The following CDK15 variants were observed in gnomAD, a reference collection of about 807,000 sequenced individuals.
CDK15 encodes the protein cyclin dependent kinase 15.
A neutral mutation model predicts 60.3 loss-of-function variants in CDK15; 62 were observed. The observed-to-expected ratio is 1.03, with a 90% CI of 0.84 to 1.27. CDK15 has a LOEUF of 1.27. Among genes scored for constraint, CDK15 ranks in the 50% most tolerant of loss-of-function variants. The probability of loss-of-function intolerance (pLI) is 0.00; values close to 1 mark genes in which losing one functional copy is unlikely to be tolerated. For missense variants in CDK15, 541 were observed against 527.8 expected (o/e 1.03, Z -0.25); for synonymous variants, 194 against 195.7 (o/e 0.99, Z 0.07).
chr2:201,849,717 A>G (rs907447228), intron 9 of CDK15, among the ~76,000 whole-genome samples: 4 of 152,246 alleles, frequency 2.6e-5, no homozygotes, highest in African/African-American at 9.6e-5. Flanking sequence ...GTAATACTGA[A>G]ATAAGATGTG....
chr2:201,880,561 T>C (rs1176490001), intron 12 of CDK15, among the ~76,000 whole-genome samples: 1 of 152,172 alleles, frequency 6.6e-6, no homozygotes, highest in Non-Finnish European at 1.5e-5. Context: ...GAGAGTAAGA[T>C]GATAGGTGAA....
chr2:201,865,437 G>A (rs1041718379), intron 10 of CDK15, among the ~76,000 whole-genome samples: 1 of 152,120 alleles, frequency 6.6e-6, no homozygotes, highest in Non-Finnish European at 1.5e-5. Flanking sequence ...TAGCGGATGG[G>A]ATATTTTCTC....
intron 10 of CDK15, among the ~76,000 whole-genome samples, chr2:201,868,811 A>G (rs1698739084): frequency 6.6e-6 from 1 of 152,228 alleles, no homozygotes; most frequent in Non-Finnish European, 1.5e-5. Context: ...GAGAAATGCA[A>G]ATCAAAACCA....
chr2:201,873,613 T>A (rs1272784877), intron 11 of CDK15, among the ~76,000 whole-genome samples: 1 of 152,242 alleles, frequency 6.6e-6, no homozygotes, highest in Non-Finnish European at 1.5e-5. Context: ...TTTCGAGGGC[T>A]GAGCAAGGCT....
chr2:201,850,906 C>T (rs553771187), intron 9 of CDK15, among the ~76,000 whole-genome samples: 2 of 152,204 alleles, frequency 1.3e-5, no homozygotes, highest in Non-Finnish European at 2.9e-5. Flanking sequence ...ATCTCTTGGC[C>T]ATTTGTAGGT....
intron 10 of CDK15, among the ~76,000 whole-genome samples, chr2:201,869,340 G>C (rs1698765140): frequency 6.8e-6 from 1 of 146,020 alleles, no homozygotes; most frequent in African/African-American, 2.5e-5. Context: ...GAGAACACTT[G>C]AACACAGGGC....
intron 6 of CDK15, among the ~76,000 whole-genome samples, chr2:201,832,543 G>A (rs1696805197): frequency 6.6e-6 from 1 of 152,186 alleles, no homozygotes; most frequent in Admixed American, 6.5e-5. Context: ...GTGTATATTT[G>A]AAGCATCAGA....
chr2:201,816,982 C>T (rs1235342911), intron 4 of CDK15, among the ~76,000 whole-genome samples: 3 of 152,208 alleles, frequency 2.0e-5, no homozygotes, highest in African/African-American at 7.2e-5. Context: ...AACTGTAGAG[C>T]TACCTATGAG....
chr2:201,889,072 A>G (rs1319304962), intron 12 of CDK15: 1 of 985,304 alleles, frequency 1.0e-6, no homozygotes, highest in Non-Finnish European at 1.2e-6. Context: ...ATACAAGACA[A>G]CGAGACCCCA....
Position 201,806,559 on chromosome 2 carries a change from G to A in CDK15, c.-106G>A, listed in dbSNP as rs1392195660. 2 of 1,320,952 alleles carry A rather than the reference G, an allele frequency of 1.5e-6. No homozygotes were observed. Among genetic ancestry groups the A allele is most frequent in the Non-Finnish European group, 2.0e-6 (2 of 1,004,102 alleles). 81.8% of individuals were successfully genotyped at this position (1,320,952 alleles called of 1,614,324 possible). A position where few individuals can be genotyped will look rare whatever the true frequency, so the allele number is the denominator to read the frequency against. ...GGCAGAGCCATCATGTGAGTCATATGAAAGCTCCACGCTGCTGACCTCTGG... is the reference window on the plus strand; with the variant it reads ...GGCAGAGCCATCATGTGAGTCATATAAAAGCTCCACGCTGCTGACCTCTGG... On this transcript the variant is annotated 5_prime_UTR_variant, in exon 1 of 14. The change abolishes an upstream ATG in the 5' untranslated region. Transcript: ENST00000652192.
chr2:201,888,966 T>TCC, intron 12 of CDK15: 1 of 986,226 alleles, frequency 1.0e-6, no homozygotes, highest in East Asian at 1.1e-4. Flanking sequence ...GAATACAAAA[T>TCC]TGCATATTAT....
chr2:201,819,570 C>T (rs965209612), intron 4 of CDK15, among the ~76,000 whole-genome samples: 1 of 152,116 alleles, frequency 6.6e-6, no homozygotes, highest in Admixed American at 6.5e-5. Context: ...TCTGGCTGTC[C>T]TGTGAAGAAG....
intron 9 of CDK15, among the ~76,000 whole-genome samples, chr2:201,849,765 A>ATATAAG (rs1378364077): frequency 2.0e-5 from 3 of 152,184 alleles, no homozygotes; most frequent in African/African-American, 4.8e-5. Context: ...TTTGAAAAGA[A>ATATAAG]TATAAGTATA....
chr2:201,869,133 T>C (rs1191264630), intron 10 of CDK15, among the ~76,000 whole-genome samples: 5 of 152,194 alleles, frequency 3.3e-5, no homozygotes, highest in African/African-American at 4.8e-5. Flanking sequence ...CCAACTCAAA[T>C]GTCCATCAAT....
chr2:201,838,605 C>T (rs1436211006), intron 8 of CDK15, among the ~76,000 whole-genome samples: 1 of 151,942 alleles, frequency 6.6e-6, no homozygotes, highest in Non-Finnish European at 1.5e-5. Flanking sequence ...CAGAGTCTCA[C>T]TTTGTTGCCC....
chr2:201,846,555 T>C (rs1429475260), intron 8 of CDK15, among the ~76,000 whole-genome samples: 1 of 148,712 alleles, frequency 6.7e-6, no homozygotes, highest in Non-Finnish European at 1.5e-5. Flanking sequence ...CAAAGAAAAG[T>C]CCTTTTTTTT....
rs376643967 is a variant in CDK15 at position 201,872,259 on chromosome 2, C to T, written c.1010-19C>T. 6.7e-5 allele frequency: 108 copies of T among 1,613,676 alleles called. No homozygotes were observed. Among genetic ancestry groups the T allele is most frequent in the Non-Finnish European group, 8.3e-5 (98 of 1,179,784 alleles). ...TTCGGGTGGATTTTATTTTTTAACG[C>T]CCTCTGTATGCTTCCCAGAATGGTT... On this transcript the variant is annotated intron_variant, in intron 10 of 13. Transcript: ENST00000652192.
chr2:201,837,592 G>T (rs1460361356), intron 8 of CDK15, among the ~76,000 whole-genome samples: 1 of 152,090 alleles, frequency 6.6e-6, no homozygotes, highest in Non-Finnish European at 1.5e-5. Flanking sequence ...GGTTACAATA[G>T]TGAGCATGGG....
intron 8 of CDK15, among the ~76,000 whole-genome samples, chr2:201,845,589 T>TA (rs35345906): frequency 0.13 from 13,470 of 101,290 alleles, 887 homozygotes; most frequent in Middle Eastern, 0.2. Context: ...CCATCTGTAT[T>TA]AAAAAAAAAA....
Sources: allele counts gnomAD v4.1 joint callset (sites outside exome capture counted in the v4.1 genomes callset), GRCh38; gene constraint gnomAD v4.1.1; transcripts MANE v1.5; gene names NCBI Gene and HGNC (gene_info 2026-07-23, HGNC 2026-07-21).